Variants in GRM1 observed in about 807,000 individuals in gnomAD.
The protein encoded by GRM1 is glutamate metabotropic receptor 1.
GRM1 carries 33 observed loss-of-function variants against 90.9 expected under a neutral mutation model. That is an observed-to-expected ratio of 0.36 (90% CI 0.28 to 0.49). The LOEUF (loss-of-function observed/expected upper bound fraction) is 0.49. Among genes scored for constraint, GRM1 ranks in the 20% least tolerant of loss-of-function variants. The pLI, the probability that GRM1 is intolerant of heterozygous loss-of-function variation, is 0.99. For missense variants in GRM1, 1,190 were observed against 1,534.3 expected (o/e 0.78, Z 3.75); for synonymous variants, 700 against 613.2 (o/e 1.14, Z -2.09).
chr6:146,406,789 A>G (rs1248015131), intron 7 of GRM1, among the ~76,000 whole-genome samples: 2 of 152,138 alleles, frequency 1.3e-5, no homozygotes, highest in Non-Finnish European at 2.9e-5. Context: ...AGCCAAGATC[A>G]CACCACTGCA....
intron 1 of GRM1, among the ~76,000 whole-genome samples, chr6:146,129,549 A>AT: frequency 6.6e-6 from 1 of 152,188 alleles, no homozygotes; most frequent in East Asian, 1.9e-4. Flanking sequence ...GGCTGCACAG[A>AT]GCAACTTGGG....
intron 5 of GRM1, among the ~76,000 whole-genome samples, chr6:146,371,391 C>T (rs1775896038): frequency 6.6e-6 from 1 of 152,022 alleles, no homozygotes; most frequent in African/African-American, 2.4e-5. Flanking sequence ...TGTTTTGACA[C>T]AGGCATACAA....
chr6:146,293,516 T>C (rs1189004985), intron 2 of GRM1, among the ~76,000 whole-genome samples: 1 of 152,036 alleles, frequency 6.6e-6, no homozygotes, highest in Non-Finnish European at 1.5e-5. Flanking sequence ...TTTGACTTTA[T>C]ATATTTTTTA....
At chr6:146,325,696 G>T (rs1409243697) in intron 3 of GRM1, among the ~76,000 whole-genome samples, 1 of 151,994 alleles carries the variant, frequency 6.6e-6, no homozygotes, top group Non-Finnish European at 1.5e-5. Flanking sequence ...CTATTATTAG[G>T]CATTATACTT....
At position 146,415,201 on chromosome 6, in the gene GRM1, T is replaced by C. The variant is rs752635999; in HGVS notation, c.2660+15502T>C. Reference sequence around the variant, plus strand: ...CCACCATGCAGACTGTTGTATTCTTTTTGTATCTTCACCTGGCAGAGACAT... The same window carrying C: ...CCACCATGCAGACTGTTGTATTCTTCTTGTATCTTCACCTGGCAGAGACAT... On this transcript the variant is annotated intron_variant, in intron 7 of 7. Transcript: ENST00000282753. 1.9e-4 allele frequency among the ~76,000 whole-genome samples: 29 copies of C among 152,160 alleles called. 1 individual carries two copies. Among genetic ancestry groups the C allele is most frequent in the Non-Finnish European group, 3.5e-4 (24 of 68,018 alleles).
intron 2 of GRM1, among the ~76,000 whole-genome samples, chr6:146,234,429 T>C (rs1440431355): frequency 1.3e-5 from 2 of 152,032 alleles, no homozygotes; most frequent in African/African-American, 4.8e-5. Context: ...TGGGATTGGG[T>C]TTTCAATGAT....
At chr6:146,132,831 T>A (rs1050847454) in intron 1 of GRM1, among the ~76,000 whole-genome samples, 3 of 152,242 alleles carry the variant, frequency 2.0e-5, no homozygotes, top group Non-Finnish European at 4.4e-5. Context: ...TTTGCAGGTC[T>A]CACTCTTCCA....
chr6:146,296,922 T>C (rs1175049246), intron 2 of GRM1, among the ~76,000 whole-genome samples: 3 of 152,200 alleles, frequency 2.0e-5, no homozygotes, highest in Non-Finnish European at 2.9e-5. Flanking sequence ...CTACGATTCA[T>C]GAAGCCATCT....
chr6:146,328,197 T>C (rs1784461699), intron 3 of GRM1, among the ~76,000 whole-genome samples: 1 of 152,248 alleles, frequency 6.6e-6, no homozygotes, highest in Admixed American at 6.5e-5. Context: ...ATCATTTATA[T>C]TGTTCTCTAG....
intron 2 of GRM1, among the ~76,000 whole-genome samples, chr6:146,188,346 T>C (rs1318005685): frequency 6.6e-6 from 1 of 152,134 alleles, no homozygotes; most frequent in Non-Finnish European, 1.5e-5. Flanking sequence ...TAGCATACAG[T>C]CTAGACCTCT....
intron 3 of GRM1, among the ~76,000 whole-genome samples, chr6:146,320,753 C>A (rs955584503): frequency 1.3e-5 from 2 of 152,032 alleles, no homozygotes; most frequent in South Asian, 2.1e-4. Flanking sequence ...AGTTTATTTG[C>A]GTAGAGGTGT....
At chr6:146,044,370 A>T (rs1025023589) in intron 1 of GRM1, among the ~76,000 whole-genome samples, 1 of 151,988 alleles carries the variant, frequency 6.6e-6, no homozygotes, top group Non-Finnish European at 1.5e-5. Context: ...TGGTGTTCTC[A>T]TGCACTTCCC....
intron 1 of GRM1, among the ~76,000 whole-genome samples, chr6:146,141,350 A>G (rs1330168935): frequency 1.3e-5 from 2 of 151,576 alleles, no homozygotes; most frequent in South Asian, 2.1e-4. Flanking sequence ...TGATTATTAA[A>G]TGCCTCGAAG....
chr6:146,312,927 G>A (rs1181139418), intron 3 of GRM1, among the ~76,000 whole-genome samples: 2 of 152,206 alleles, frequency 1.3e-5, no homozygotes, highest in South Asian at 4.1e-4. Flanking sequence ...GCCTAGTTAA[G>A]TTCTTTAATC....
At chr6:146,407,547 T>G (rs927224601) in intron 7 of GRM1, among the ~76,000 whole-genome samples, 1 of 152,188 alleles carries the variant, frequency 6.6e-6, no homozygotes, top group Non-Finnish European at 1.5e-5. Flanking sequence ...GTTCTGAAAC[T>G]TAATATTTTA....
At chr6:146,149,747 C>T (rs571682051) in intron 1 of GRM1, among the ~76,000 whole-genome samples, 1 of 152,240 alleles carries the variant, frequency 6.6e-6, no homozygotes, top group East Asian at 1.9e-4. Context: ...ATTACTTGGC[C>T]TCTATGCTAT....
At chr6:146,383,051 A>G (rs903739860) in intron 5 of GRM1, among the ~76,000 whole-genome samples, 14 of 152,148 alleles carry the variant, frequency 9.2e-5, no homozygotes, top group African/African-American at 3.4e-4. Context: ...AGGGTTGACT[A>G]TGAAGATAGA....
At chr6:146,317,785 TTA>T (rs1198467462) in intron 3 of GRM1, among the ~76,000 whole-genome samples, 1 of 152,178 alleles carries the variant, frequency 6.6e-6, no homozygotes, top group Non-Finnish European at 1.5e-5. Context: ...CCACTAAAAG[TTA>T]TATGTGTCAC....
chr6:146,184,622 C>G (rs1014023751), intron 2 of GRM1, among the ~76,000 whole-genome samples: 2 of 152,118 alleles, frequency 1.3e-5, no homozygotes, highest in African/African-American at 4.8e-5. Context: ...TCCTATACCT[C>G]TCTATCTTGT....
Sources: gnomAD v4.1 joint callset for allele counts (sites outside exome capture counted in the v4.1 genomes callset) on GRCh38, gnomAD v4.1.1 for gene constraint, MANE v1.5 for transcripts, NCBI Gene and HGNC (gene_info 2026-07-23, HGNC 2026-07-21) for gene names.